PPP2R5A: variants seen among roughly 807,000 people sequenced by gnomAD.
PPP2R5A encodes protein phosphatase 2 regulatory subunit B'alpha, also known as serine/threonine-protein phosphatase 2A 56 kDa regulatory subunit alpha isoform.
PPP2R5A carries 25 observed loss-of-function variants against 64.2 expected under a neutral mutation model. The observed-to-expected ratio is 0.39, with a 90% CI of 0.28 to 0.54. The LOEUF is 0.54. Among genes scored for constraint, PPP2R5A ranks in the 20% least tolerant of loss-of-function variants. The pLI, the probability that PPP2R5A is intolerant of heterozygous loss-of-function variation, is 0.67. For synonymous variants in PPP2R5A, 198 were observed against 201.2 expected (o/e 0.98, Z 0.13); for missense variants, 425 against 576.3 (o/e 0.74, Z 2.69).
chr1:212,324,307 G>A (rs752276779), intron 1 of PPP2R5A, among the ~76,000 whole-genome samples: 15 of 152,108 alleles, frequency 9.9e-5, no homozygotes, highest in Admixed American at 2.0e-4. Context: ...GTGTATGTGT[G>A]TCTAAACAAG....
intron 11 of PPP2R5A, 116 bp downstream of exon 11, chr1:212,357,400 TTAAC>T: frequency 1.1e-6 from 1 of 944,468 alleles, no homozygotes; most frequent in Non-Finnish European, 1.5e-6. Flanking sequence ...TACTCCAAGG[TTAAC>T]ATCAGTTGTA....
chr1:212,337,748 C>T (rs139946075), intron 3 of PPP2R5A, among the ~76,000 whole-genome samples: 9 of 152,216 alleles, frequency 5.9e-5, no homozygotes, highest in African/African-American at 2.2e-4. Flanking sequence ...CCTAGGCTCC[C>T]TGTATTTAAA....
At chr1:212,295,585 T>C (rs1658678495) in intron 1 of PPP2R5A, among the ~76,000 whole-genome samples, 1 of 151,894 alleles carries the variant, frequency 6.6e-6, no homozygotes, top group South Asian at 2.1e-4. Flanking sequence ...AATACCAACA[T>C]TGAGATAATG....
At chr1:212,345,533 T>C (rs1659762210) in intron 4 of PPP2R5A, among the ~76,000 whole-genome samples, 1 of 152,324 alleles carries the variant, frequency 6.6e-6, no homozygotes, top group Admixed American at 6.5e-5. Context: ...TAGGATTGAA[T>C]TTTAAAATCA....
At chr1:212,336,233 A>C (rs749338918) in intron 3 of PPP2R5A, among the ~76,000 whole-genome samples, 22 of 152,186 alleles carry the variant, frequency 1.4e-4, no homozygotes, top group South Asian at 1.0e-3. Context: ...TCCTGCCTCA[A>C]GTCTCTTGAG....
chr1:212,328,996 G>A, intron 1 of PPP2R5A, 139 bp from the exon 2 acceptor site: 2 of 528,558 alleles, frequency 3.8e-6, no homozygotes, highest in Non-Finnish European at 6.1e-6. Context: ...CTGAATGATG[G>A]GGTTATAGAT....
At chr1:212,347,868 T>C (rs1382943705) in intron 6 of PPP2R5A, among the ~76,000 whole-genome samples, 4 of 152,160 alleles carry the variant, frequency 2.6e-5, no homozygotes, top group East Asian at 3.9e-4. Context: ...TTATTACCTT[T>C]TGCCATAACA....
intron 8 of PPP2R5A, among the ~76,000 whole-genome samples, chr1:212,356,289 A>T (rs1659976399): frequency 6.6e-6 from 1 of 152,152 alleles, no homozygotes; most frequent in African/African-American, 2.4e-5. Flanking sequence ...GAAGTAGCAC[A>T]TACTATTAAA....
intron 8 of PPP2R5A, among the ~76,000 whole-genome samples, chr1:212,354,355 C>T (rs1219316243): frequency 6.6e-6 from 1 of 151,348 alleles, no homozygotes; most frequent in East Asian, 1.9e-4. Flanking sequence ...CCAGCCTGGC[C>T]GACAATGCAA....
chr1:212,321,483 C>T (rs1015594319), intron 1 of PPP2R5A, among the ~76,000 whole-genome samples: 5 of 149,638 alleles, frequency 3.3e-5, no homozygotes, highest in South Asian at 2.1e-4. Flanking sequence ...GTGTGGCTGC[C>T]GGGCGGAGGG....
intron 1 of PPP2R5A, among the ~76,000 whole-genome samples, chr1:212,293,728 G>T (rs2102410757): frequency 6.6e-6 from 1 of 152,014 alleles, no homozygotes; most frequent in South Asian, 2.1e-4. Context: ...GTCTAACTTG[G>T]ATACTGAAGA....
At chr1:212,307,943 CAAGTTATCTTCTTGCCTCAGCCTCCAAG>C (rs1658952339) in intron 1 of PPP2R5A, among the ~76,000 whole-genome samples, 1 of 152,030 alleles carries the variant, frequency 6.6e-6, no homozygotes, top group Non-Finnish European at 1.5e-5. Context: ...CTCCTGAGCT[CAAGTTATCTTCTTGCCTCAGCCTCCAAG>C]AAGTTATCTT....
chr1:212,306,521 C>A (rs961211520), intron 1 of PPP2R5A, among the ~76,000 whole-genome samples: 1 of 152,046 alleles, frequency 6.6e-6, no homozygotes, highest in Non-Finnish European at 1.5e-5. Context: ...CTGTATATGT[C>A]AAACATTTAC....
intron 4 of PPP2R5A, 98 bp downstream of exon 4, chr1:212,342,378 T>C: frequency 7.0e-7 from 1 of 1,424,508 alleles, no homozygotes; most frequent in Middle Eastern, 2.3e-4. Flanking sequence ...ACTTTAATGG[T>C]TTAATTTGAC....
chr1:212,322,890 A>G (rs929328788), intron 1 of PPP2R5A, among the ~76,000 whole-genome samples: 1 of 152,140 alleles, frequency 6.6e-6, no homozygotes, highest in African/African-American at 2.4e-5. Context: ...GGTTCACACC[A>G]TTCTCCTGCC....
intron 8 of PPP2R5A, chr1:212,352,709 C>CA (rs1659908923): frequency 2.1e-6 from 1 of 480,310 alleles, no homozygotes; most frequent in Non-Finnish European, 4.1e-6. Context: ...CTTGGCCTCC[C>CA]AAAGTGCTGG....
Position 212,286,075 on chromosome 1 carries a change from C to G in PPP2R5A, c.-36C>G, listed in dbSNP as rs1339459138. ...TCCGCCGCTGCCCGTGCCTTGCAAG[C>G]AGCAGCCGGAGCTGCCAAGCGTCAG... On this transcript the variant is annotated 5_prime_UTR_variant, in exon 1 of 13. Transcript: ENST00000261461. 2 of 1,505,828 alleles carry G rather than the reference C, an allele frequency of 1.3e-6. No homozygotes were observed. The highest frequency in any genetic ancestry group is 2.5e-5 in the South Asian group (2 of 80,926). 93.3% of individuals were successfully genotyped at this position (1,505,828 alleles called of 1,614,324 possible).
intron 1 of PPP2R5A, among the ~76,000 whole-genome samples, chr1:212,310,872 C>T (rs772972164): frequency 6.6e-6 from 1 of 152,108 alleles, no homozygotes; most frequent in African/African-American, 2.4e-5. Context: ...CTACTCCTTA[C>T]CTAAAGATGT....
intron 1 of PPP2R5A, among the ~76,000 whole-genome samples, chr1:212,300,927 C>T (rs973424182): frequency 6.6e-6 from 1 of 151,940 alleles, no homozygotes; most frequent in Non-Finnish European, 1.5e-5. Flanking sequence ...ATTTCCCCAC[C>T]ACCACCATCC....
Sources: allele counts gnomAD v4.1 joint callset (sites outside exome capture counted in the v4.1 genomes callset), GRCh38; gene constraint gnomAD v4.1.1; transcripts MANE v1.5; gene names NCBI Gene and HGNC (gene_info 2026-07-23, HGNC 2026-07-21).